SLC24A2: variants seen among roughly 807,000 people sequenced by gnomAD.
The protein encoded by SLC24A2 is solute carrier family 24 member 2.
Under a neutral mutation model 62.0 loss-of-function variants are expected in SLC24A2, and 36 were observed. The observed-to-expected ratio is 0.58, with a 90% CI of 0.44 to 0.77. The LOEUF is 0.77. SLC24A2 is among the 30% of genes least tolerant of loss of function. The pLI is 0.00. For synonymous variants in SLC24A2, 358 were observed against 294.0 expected (o/e 1.22, Z -2.23); for missense variants, 846 against 817.9 (o/e 1.03, Z -0.42).
At chr9:20,235,195 T>C in the SLC24A2 span, among the ~76,000 whole-genome samples, 1 of 152,234 alleles carries the variant, frequency 6.6e-6, no homozygotes, top group South Asian at 2.1e-4. Context: ...GAGGAGGCAG[T>C]CTGCCTGTTC....
chr9:19,829,840 CAT>C, the SLC24A2 span, among the ~76,000 whole-genome samples: 19 of 122,148 alleles, frequency 1.6e-4, no homozygotes, highest in East Asian at 4.9e-4. Context: ...CACACACACA[CAT>C]ATATAGAACT....
the SLC24A2 span, among the ~76,000 whole-genome samples, chr9:20,121,078 T>A: frequency 6.7e-6 from 1 of 148,980 alleles, no homozygotes. Flanking sequence ...TTGTTGTTCT[T>A]TCTCAGTCTT....
chr9:19,902,729 G>A, the SLC24A2 span, among the ~76,000 whole-genome samples: 1 of 152,178 alleles, frequency 6.6e-6, no homozygotes, highest in Non-Finnish European at 1.5e-5. Context: ...CCTCCAGAAA[G>A]AGCCATATTT....
At chr9:19,697,786 T>C (rs1204011067) in intron 2 of SLC24A2, among the ~76,000 whole-genome samples, 3 of 152,162 alleles carry the variant, frequency 2.0e-5, no homozygotes, top group Non-Finnish European at 2.9e-5. Context: ...TTGACATCAT[T>C]AAGTACTCAT....
upstream of SLC24A2, among the ~76,000 whole-genome samples, chr9:19,790,024 G>A (rs1478480493): frequency 6.6e-6 from 1 of 152,062 alleles, no homozygotes; most frequent in Non-Finnish European, 1.5e-5. Flanking sequence ...AATAAGTAAA[G>A]GGAAGCCTAG....
chr9:20,077,965 C>T, the SLC24A2 span, among the ~76,000 whole-genome samples: 2 of 152,144 alleles, frequency 1.3e-5, no homozygotes, highest in African/African-American at 4.8e-5. Context: ...AGGTTAGGCT[C>T]CACTAAAGAG....
the SLC24A2 span, among the ~76,000 whole-genome samples, chr9:19,864,195 C>A: frequency 3.3e-5 from 5 of 151,990 alleles, 1 homozygote; most frequent in African/African-American, 9.6e-5. Flanking sequence ...GATAAAAAGT[C>A]TTCCAATAAA....
chr9:19,693,455 GA>G (rs1820099191), intron 2 of SLC24A2, among the ~76,000 whole-genome samples: 1 of 152,092 alleles, frequency 6.6e-6, no homozygotes, highest in Admixed American at 6.6e-5. Flanking sequence ...AGGAAGTAAT[GA>G]TTTCCTTTTC....
At chr9:20,110,005 T>C in the SLC24A2 span, among the ~76,000 whole-genome samples, 1 of 152,194 alleles carries the variant, frequency 6.6e-6, no homozygotes, top group South Asian at 2.1e-4. Context: ...TTCTTTTTTC[T>C]TACATATATA....
the SLC24A2 span, among the ~76,000 whole-genome samples, chr9:20,019,001 T>C: frequency 4.0e-5 from 6 of 150,612 alleles, no homozygotes; most frequent in African/African-American, 1.5e-4. Flanking sequence ...GAGACAGAGG[T>C]TGAGTGAGCT....
chr9:19,538,996 G>C (rs1253839058), intron 8 of SLC24A2, among the ~76,000 whole-genome samples: 1 of 128,176 alleles, frequency 7.8e-6, no homozygotes, highest in Non-Finnish European at 1.6e-5. Context: ...TTGTGTAGAG[G>C]TGTTTGTAGT....
chr9:19,837,400 C>G, the SLC24A2 span, among the ~76,000 whole-genome samples: 5 of 125,624 alleles, frequency 4.0e-5, no homozygotes, highest in African/African-American at 1.5e-4. Context: ...TGCAGTGAGC[C>G]GAGATTGCGC....
the SLC24A2 span, among the ~76,000 whole-genome samples, chr9:20,106,982 A>C: frequency 6.6e-6 from 1 of 152,238 alleles, no homozygotes; most frequent in Non-Finnish European, 1.5e-5. Flanking sequence ...CCTTAAGCTG[A>C]TAAGCAACTT....
the SLC24A2 span, among the ~76,000 whole-genome samples, chr9:19,990,011 T>A: frequency 6.6e-6 from 1 of 152,182 alleles, no homozygotes; most frequent in Non-Finnish European, 1.5e-5. Flanking sequence ...TGTGAAATGA[T>A]GAGACTGGTG....
chr9:19,746,113 T>C (rs958218324), intron 2 of SLC24A2, among the ~76,000 whole-genome samples: 2 of 152,104 alleles, frequency 1.3e-5, no homozygotes, highest in Admixed American at 1.3e-4. Context: ...TCTCTCTTTT[T>C]TTTTTTAAAT....
the SLC24A2 span, among the ~76,000 whole-genome samples, chr9:20,049,347 T>C: frequency 6.6e-6 from 1 of 152,200 alleles, no homozygotes; most frequent in Non-Finnish European, 1.5e-5. Context: ...CATTAAGTTA[T>C]TGCGTGACTC....
chr9:19,540,244 CATT>C (rs1380530654), intron 8 of SLC24A2, among the ~76,000 whole-genome samples: 2 of 128,036 alleles, frequency 1.6e-5, no homozygotes, highest in Non-Finnish European at 1.6e-5. Context: ...TTGATCCTGT[CATT>C]ATGATGTTAG....
the SLC24A2 span, among the ~76,000 whole-genome samples, chr9:19,943,493 CT>C: frequency 4.6e-5 from 7 of 152,166 alleles, no homozygotes; most frequent in African/African-American, 1.7e-4. Context: ...TAATTCAAGG[CT>C]TTTTAAAATT....
intron 5 of SLC24A2, among the ~76,000 whole-genome samples, chr9:19,592,189 G>C (rs190752726): frequency 1.1e-4 from 16 of 152,282 alleles, no homozygotes; most frequent in Non-Finnish European, 1.5e-4. Flanking sequence ...ATTCATGTAA[G>C]ACATTATTAG....
Sources: allele counts gnomAD v4.1 joint callset (sites outside exome capture counted in the v4.1 genomes callset), GRCh38; gene constraint gnomAD v4.1.1; transcripts MANE v1.5; gene names NCBI Gene and HGNC (gene_info 2026-07-23, HGNC 2026-07-21).